The following GATB variants were observed in gnomAD, a reference collection of about 807,000 sequenced individuals.
The protein encoded by GATB is glutamyl-tRNA(Gln) amidotransferase subunit B, mitochondrial.
Under a neutral mutation model 62.3 loss-of-function variants are expected in GATB, and 39 were observed. That is an observed-to-expected ratio of 0.63 (90% CI 0.48 to 0.82). The LOEUF (loss-of-function observed/expected upper bound fraction) is 0.82, where lower values mean the gene tolerates loss of function less well. GATB is among the 40% of genes least tolerant of loss of function. GATB has a pLI of 0.00. For synonymous variants in GATB, 276 were observed against 258.9 expected, an observed-to-expected ratio of 1.07 and a Z score of -0.63; for missense variants, 670 against 684.0, an observed-to-expected ratio of 0.98 and a Z score of 0.23.
intron 2 of GATB, among the ~76,000 whole-genome samples, chr4:151,747,771 T>C (rs185286733): frequency 3.1e-4 from 47 of 152,288 alleles, no homozygotes; most frequent in Middle Eastern, 3.4e-3. Flanking sequence ...AAATGTCAAG[T>C]TGGAATTCTA....
At chr4:151,705,015 G>C (rs1738686374) in intron 7 of GATB, among the ~76,000 whole-genome samples, 170 bp downstream of exon 7, 1 of 152,176 alleles carries the variant, frequency 6.6e-6, no homozygotes, top group Non-Finnish European at 1.5e-5. Context: ...CCAAAGTGCT[G>C]GGATTACAGG....
At chr4:151,698,988 G>A (rs1027259516) in intron 9 of GATB, among the ~76,000 whole-genome samples, 1 of 151,570 alleles carries the variant, frequency 6.6e-6, no homozygotes, top group Non-Finnish European at 1.5e-5. Flanking sequence ...GTAGTGGGGT[G>A]TGTGTGTGTG....
At chr4:151,682,879 G>A (rs6840360) in intron 10 of GATB, among the ~76,000 whole-genome samples, 90,679 of 151,964 alleles carry the variant, frequency 0.6, 29,598 homozygotes, top group African/African-American at 0.88. Flanking sequence ...CCCCTAGCTG[G>A]CGTCCCACCA....
chr4:151,718,887 AGTAACTGGACCAACAGT>A (rs143095366), intron 3 of GATB, among the ~76,000 whole-genome samples: 1,928 of 152,326 alleles, frequency 0.013, 40 homozygotes, highest in African/African-American at 0.044. Context: ...TGCTCAGCCA[AGTAACTGGACCAACAGT>A]TTACTGTTCT....
At chr4:151,714,209 C>T (rs561682112) in intron 5 of GATB, among the ~76,000 whole-genome samples, 19 of 152,206 alleles carry the variant, frequency 1.2e-4, no homozygotes, top group African/African-American at 4.6e-4. Context: ...CTATCAGGAA[C>T]TCACAGAACC....
rs1738907490 is a variant in GATB at position 151,716,095 on chromosome 4, A to G, written c.677T>C (p.Met226Thr). ...GLLEVVLEPD[M>T]SCGEEAATAV... is the part of the protein sequence containing the mutation. Reference sequence around the variant, plus strand: ...TGTTGCCGCCTCTTCTCCACAGGACATGTCGGGCTCCAGGACCACCTCCAG... The same window carrying G: ...TGTTGCCGCCTCTTCTCCACAGGACGTGTCGGGCTCCAGGACCACCTCCAG... The change falls in exon 5 of 13, where the codon ATG becomes ACG. Residue 226 changes from methionine to threonine, a missense_variant. Coordinates refer to ENST00000263985, the MANE Select transcript of GATB (RefSeq NM_004564.3). 1.2e-6 allele frequency: 2 copies of G among 1,613,626 alleles called. No individual in the cohort carries two copies. The highest frequency in any genetic ancestry group is 1.1e-5 in the South Asian group (1 of 90,992).
intron 10 of GATB, among the ~76,000 whole-genome samples, chr4:151,683,070 C>T (rs1237704216): frequency 6.6e-6 from 1 of 152,162 alleles, no homozygotes; most frequent in Admixed American, 6.5e-5. Context: ...TCCTCCGAAC[C>T]AAAGATGCTG....
intron 2 of GATB, among the ~76,000 whole-genome samples, chr4:151,753,635 C>G (rs2126999843): frequency 6.6e-6 from 1 of 152,290 alleles, no homozygotes; most frequent in East Asian, 1.9e-4. Context: ...GTCTTTACCC[C>G]TTCTTCATTG....
intron 2 of GATB, among the ~76,000 whole-genome samples, chr4:151,736,658 C>T (rs1739380264): frequency 6.6e-6 from 1 of 152,306 alleles, no homozygotes; most frequent in East Asian, 1.9e-4. Flanking sequence ...TTTAATGATG[C>T]AAAGTTAAAA....
chr4:151,680,289 A>AC (rs1188278852), intron 10 of GATB, among the ~76,000 whole-genome samples: 1 of 151,908 alleles, frequency 6.6e-6, no homozygotes, highest in Non-Finnish European at 1.5e-5. Context: ...AAAAAAAAAA[A>AC]AAACCAGCTA....
intron 2 of GATB, among the ~76,000 whole-genome samples, chr4:151,748,199 T>C (rs1187358598): frequency 1.3e-5 from 2 of 152,200 alleles, no homozygotes; most frequent in Admixed American, 6.5e-5. Flanking sequence ...AGAGCCCGCA[T>C]TGCCAAGTCA....
chr4:151,691,008 T>C (rs1287269401), intron 9 of GATB, among the ~76,000 whole-genome samples: 1 of 152,216 alleles, frequency 6.6e-6, no homozygotes, highest in Non-Finnish European at 1.5e-5. Context: ...ACACACATTC[T>C]AGTTTCCTCA....
At chr4:151,695,954 T>G (rs866217324) in intron 9 of GATB, among the ~76,000 whole-genome samples, 55 of 140,094 alleles carry the variant, frequency 3.9e-4, no homozygotes, top group African/African-American at 1.4e-3. Flanking sequence ...TTTTTTTTTG[T>G]AGAGATAGGG....
rs1331442737 is a variant in GATB, at chr4:151,730,056, A to C, written c.328-10518T>G. Among the ~76,000 whole-genome samples the C allele has an allele frequency of 6.6e-6, 1 of 152,142 alleles. No homozygotes were observed. Among genetic ancestry groups the C allele is most frequent in the Non-Finnish European group, 1.5e-5 (1 of 68,018 alleles). ...AGCCTCAGGCAAGTTTTCAAGCCCCACCTGCCCTCTGCCTGGAAACAGACT... is the reference window on the plus strand; with the variant it reads ...AGCCTCAGGCAAGTTTTCAAGCCCCCCCTGCCCTCTGCCTGGAAACAGACT... On this transcript the variant is annotated intron_variant, in intron 2 of 12. Coordinates refer to ENST00000263985, the MANE Select transcript of GATB (RefSeq NM_004564.3). The surrounding 1 kb of genome is among the most constrained non-coding windows in gnomAD (Gnocchi z 4.1).
In GATB at chr4:151,672,780, C is replaced by T; in HGVS notation, c.1527G>A (p.Met509Ile). The T allele has an allele frequency of 6.2e-7, 1 of 1,614,138 alleles. No individual in the cohort carries two copies. The highest frequency in any genetic ancestry group is 1.7e-5 in the Admixed American group (1 of 60,014). The change falls in exon 12 of 13, where the codon ATG becomes ATA. Residue 509 changes from methionine (M) to isoleucine (I), a missense_variant. Met to Ile is a conservative substitution (Grantham distance 10, BLOSUM62 1). Transcript: ENST00000263985. ...TAGTCACCACTTGAGGATGGGCCTCCATCACAGAGTGGCAGAGCTGCTCCA... is the reference window on the plus strand; with the variant it reads ...TAGTCACCACTTGAGGATGGGCCTCTATCACAGAGTGGCAGAGCTGCTCCA... Reference protein sequence around the residue: ...GALEQLCHSVMEAHPQVVMDV... With the variant: ...GALEQLCHSVIEAHPQVVMDV...
At chr4:151,680,714 T>G (rs1172568783) in intron 10 of GATB, among the ~76,000 whole-genome samples, 1 of 152,246 alleles carries the variant, frequency 6.6e-6, no homozygotes, top group East Asian at 1.9e-4. Flanking sequence ...TCTGAAATGC[T>G]TGGGACCAGA....
intron 2 of GATB, among the ~76,000 whole-genome samples, chr4:151,726,978 C>G (rs1368794350): frequency 6.6e-6 from 1 of 152,088 alleles, no homozygotes; most frequent in Non-Finnish European, 1.5e-5. Context: ...GTGCAGTGGC[C>G]CGATCACAGC....
chr4:151,688,180 C>A (rs1049751420), intron 10 of GATB, among the ~76,000 whole-genome samples: 9 of 152,164 alleles, frequency 5.9e-5, no homozygotes. Context: ...TGCAGAGCGA[C>A]TCTCCCCTAA....
At chr4:151,759,160 T>C (rs1739899735) in intron 1 of GATB, among the ~76,000 whole-genome samples, 1 of 152,220 alleles carries the variant, frequency 6.6e-6, no homozygotes. Context: ...ATCAGGAGGC[T>C]GATGATATAA....
Sources: gnomAD v4.1 joint callset for allele counts (sites outside exome capture counted in the v4.1 genomes callset) on GRCh38, gnomAD v4.1.1 for gene constraint, Gnocchi (gnomAD v3.1) non-coding constraint, MANE v1.5 for transcripts, NCBI Gene and HGNC (gene_info 2026-07-23, HGNC 2026-07-21) for gene names.